Variants in BCL7A observed in about 807,000 individuals in gnomAD.
The protein encoded by BCL7A is BAF chromatin remodeling complex subunit BCL7A.
In BCL7A, 11 loss-of-function variants were observed where a neutral mutation model predicts 28.4. That is an observed-to-expected ratio of 0.39 (90% CI 0.24 to 0.64). The LOEUF is 0.64. Among genes scored for constraint, BCL7A ranks in the 30% least tolerant of loss-of-function variants. The probability of loss-of-function intolerance (pLI) is 0.50; values close to 1 mark genes in which losing one functional copy is unlikely to be tolerated. For synonymous variants in BCL7A, 123 were observed against 103.3 expected (o/e 1.19, Z -1.15); for missense variants, 222 against 274.8 (o/e 0.81, Z 1.36).
Position 122,029,322 on chromosome 12 carries a change from C to T in BCL7A, c.93-1378C>T, listed in dbSNP as rs1192563597. Among the ~76,000 whole-genome samples, 3 of 152,050 alleles carry T rather than the reference C, an allele frequency of 2.0e-5. No homozygotes were observed. Among genetic ancestry groups the T allele is most frequent in the African/African-American group, 7.2e-5 (3 of 41,410 alleles). On this transcript the variant is annotated intron_variant, in intron 1 of 5. Coordinates refer to ENST00000261822, the MANE Select transcript of BCL7A (RefSeq NM_001024808.3). This position sits in a 1 kb window ranked among gnomAD's most constrained non-coding sequence, Gnocchi z 4.3. ...TTTGGGGGTGAGGTGTCTGTGGTTTCGGCTGGCTGGGTTTGAGTATGCTCC... is the reference window on the plus strand; with the variant it reads ...TTTGGGGGTGAGGTGTCTGTGGTTTTGGCTGGCTGGGTTTGAGTATGCTCC...
chr12:122,054,979 G>T lies in BCL7A; in HGVS notation c.561+53G>T, dbSNP rs751690694. 3.7e-6 allele frequency: 6 copies of T among 1,613,368 alleles called. No individual in the cohort carries two copies. In the African/African-American group the frequency reaches 8.0e-5, roughly 22 times the overall value. On this transcript the variant is annotated intron_variant, in intron 5 of 5. Transcript: ENST00000261822. ...AGCCAGATCGGCCGGGAGCCCATTG[G>T]GTTGTCGGGGGTACGTTGAAAGGTG... is the stretch of plus-strand genomic sequence containing the variant.
intron 1 of BCL7A, 50 bp downstream of exon 1, chr12:122,022,233 G>C (rs983365735): frequency 2.3e-5 from 30 of 1,305,018 alleles, no homozygotes; most frequent in Non-Finnish European, 3.0e-5. Flanking sequence ...CCCCGAGCCC[G>C]AGCGCGGCTC....
At chr12:122,025,482 C>T (rs1883604321) in intron 1 of BCL7A, among the ~76,000 whole-genome samples, 1 of 151,724 alleles carries the variant, frequency 6.6e-6, no homozygotes, top group South Asian at 2.1e-4. Context: ...AAAAAATTAG[C>T]CAGGCGTGGT....
At chr12:122,033,996 G>C (rs1354357951) in intron 2 of BCL7A, among the ~76,000 whole-genome samples, 1 of 151,402 alleles carries the variant, frequency 6.6e-6, no homozygotes, top group East Asian at 1.9e-4. Flanking sequence ...TCTCATCCCT[G>C]CATGCACCCC....
rs113429275 is a variant in BCL7A, at chr12:122,031,016, G to GTCT, written c.174+258_174+260dup. On this transcript the variant is annotated intron_variant, in intron 2 of 5. Transcript: ENST00000261822. ...TGGACGGGGGGATCCCGCAAGCTGT[G>GTCT]TCTTCTTCTTCTTCTTCTTCTTCTT... Among the ~76,000 whole-genome samples the GTCT allele has an allele frequency of 8.4e-3, 1,273 of 151,696 alleles. 21 individuals are homozygous for GTCT. Among genetic ancestry groups the GTCT allele is most frequent in the African/African-American group, 0.024 (990 of 41,390 alleles).
At chr12:122,041,089 G>T (rs576163834) in intron 3 of BCL7A, among the ~76,000 whole-genome samples, 2 of 152,106 alleles carry the variant, frequency 1.3e-5, no homozygotes, top group Non-Finnish European at 2.9e-5. Context: ...CCAGAGTACA[G>T]TTAAAATCAG....
chr12:122,033,275 G>A (rs2135844379), intron 2 of BCL7A, among the ~76,000 whole-genome samples: 1 of 151,884 alleles, frequency 6.6e-6, no homozygotes, highest in Middle Eastern at 3.4e-3. Flanking sequence ...AGCTGAGACT[G>A]CAGGCATGCA....
At chr12:122,022,905 C>G (rs969622685) in intron 1 of BCL7A, among the ~76,000 whole-genome samples, 1 of 151,600 alleles carries the variant, frequency 6.6e-6, no homozygotes, top group South Asian at 2.1e-4. Flanking sequence ...GCGCCCCGGG[C>G]GGGGGGCTCG....
At chr12:122,054,450 G>A (rs1884265425) in intron 4 of BCL7A, among the ~76,000 whole-genome samples, 1 of 152,200 alleles carries the variant, frequency 6.6e-6, no homozygotes. Context: ...TTGGCTGCGG[G>A]AGAGAGGAAT....
rs916357746 is a variant in BCL7A at position 122,061,877 on chromosome 12, A to T, written c.*2714A>T. 8 of 222,238 alleles carry T rather than the reference A, an allele frequency of 3.6e-5. No individual in the cohort carries two copies. In the Admixed American group the frequency reaches 4.6e-4, roughly 13 times the overall value. 13.8% of individuals were successfully genotyped at this position (222,238 alleles called of 1,614,324 possible). ...TCGCCAAGAACCTGGTTAGAGGCAT[A>T]AAGACCTTTTTTCACCGTTACCTAA... On this transcript the variant is annotated 3_prime_UTR_variant, in exon 6 of 6. Transcript: ENST00000261822.
At chr12:122,055,535 G>A (rs1565943374) in intron 5 of BCL7A, among the ~76,000 whole-genome samples, 1 of 152,192 alleles carries the variant, frequency 6.6e-6, no homozygotes, top group Non-Finnish European at 1.5e-5. Flanking sequence ...GAGAACTTGG[G>A]TAAAACACTT....
In BCL7A at chr12:122,037,848, C is replaced by G. The variant is rs76922401; in HGVS notation, c.271+2421C>G. 1.9e-3 allele frequency among the ~76,000 whole-genome samples: 287 copies of G among 152,344 alleles called. 10 individuals are homozygous for G. The East Asian group carries it at 0.052, about 27-fold the overall frequency. On this transcript the variant is annotated intron_variant, in intron 3 of 5. Coordinates refer to ENST00000261822, the MANE Select transcript of BCL7A (RefSeq NM_001024808.3). ...CCTGTAATCCCAGCTAGTCGGGAGG[C>G]TGAGGCAGGAGAATCGCTTGAACTC...
chr12:122,036,658 G>A (rs149371463), intron 3 of BCL7A, among the ~76,000 whole-genome samples: 2 of 151,770 alleles, frequency 1.3e-5, no homozygotes, highest in East Asian at 1.9e-4. Context: ...AGGTCCTCAC[G>A]GTTTTCTCCA....
chr12:122,033,966 A>C (rs1349160207), intron 2 of BCL7A, among the ~76,000 whole-genome samples: 1 of 151,704 alleles, frequency 6.6e-6, no homozygotes. Context: ...CTTTTACTGC[A>C]TATCTTTTAT....
Position 122,043,611 on chromosome 12 carries a change from A to G in BCL7A, c.272-275A>G, listed in dbSNP as rs962826808. Among the ~76,000 whole-genome samples the G allele has an allele frequency of 4.6e-5, 7 of 151,946 alleles. No homozygotes were observed. In the East Asian group the frequency reaches 9.6e-4, roughly 21 times the overall value. On this transcript the variant is annotated intron_variant, in intron 3 of 5. Coordinates refer to ENST00000261822, the MANE Select transcript of BCL7A (RefSeq NM_001024808.3). ...AACATGGTGAAACCCCATCTCTACTAAAAATACAAAATTAGCCAGGCGTGG... is the reference window on the plus strand; with the variant it reads ...AACATGGTGAAACCCCATCTCTACTGAAAATACAAAATTAGCCAGGCGTGG...
intron 4 of BCL7A, among the ~76,000 whole-genome samples, chr12:122,047,935 C>T (rs1884109838): frequency 8.5e-6 from 1 of 117,150 alleles, no homozygotes; most frequent in Non-Finnish European, 1.7e-5. Context: ...CGGAGTTTCG[C>T]TCTTGTTGCC....
At chr12:122,026,917 G>A (rs1050782245) in intron 1 of BCL7A, among the ~76,000 whole-genome samples, 5 of 152,348 alleles carry the variant, frequency 3.3e-5, no homozygotes, top group South Asian at 2.1e-4. Flanking sequence ...ATAGGAGTCC[G>A]TGCTGGGGAG....
At chr12:122,050,178 A>T (rs758716551) in intron 4 of BCL7A, among the ~76,000 whole-genome samples, 1 of 151,982 alleles carries the variant, frequency 6.6e-6, no homozygotes, top group Non-Finnish European at 1.5e-5. Context: ...ACAGGGTTTC[A>T]CCATGTTGGC....
rs1951922362 is a variant in BCL7A, at chr12:122,061,523, T to A, written c.*2360T>A. 4.3e-6 allele frequency: 1 copy of A among 231,912 alleles called. No homozygotes were observed. Among genetic ancestry groups the A allele is most frequent in the South Asian group, 1.8e-4 (1 of 5,516 alleles). The allele number at this position is 231,912 out of a possible 1,614,324, so 14.4% of individuals were successfully genotyped here. On this transcript the variant is annotated 3_prime_UTR_variant, in exon 6 of 6. Coordinates refer to ENST00000261822, the MANE Select transcript of BCL7A (RefSeq NM_001024808.3). ...GACTGCAAAAATCCGATGTGCTTCC[T>A]TCCCTGGCGCAGTCGCTCCTCGAGC... is the stretch of plus-strand genomic sequence containing the variant.
Sources: allele counts gnomAD v4.1 joint callset (sites outside exome capture counted in the v4.1 genomes callset), GRCh38; gene constraint gnomAD v4.1.1; non-coding constraint Gnocchi (gnomAD v3.1); transcripts MANE v1.5; gene names NCBI Gene and HGNC (gene_info 2026-07-23, HGNC 2026-07-21).